HECTD2: variants seen among roughly 807,000 people sequenced by gnomAD.
The protein encoded by HECTD2 is probable E3 ubiquitin-protein ligase HECTD2.
In HECTD2, 35 loss-of-function variants were observed where a neutral mutation model predicts 103.2. The ratio of observed to expected loss-of-function variants is 0.34; its 90% CI spans 0.26 to 0.45. The LOEUF (loss-of-function observed/expected upper bound fraction) is 0.45. Ranked by LOEUF, HECTD2 falls within the 20% of genes least tolerant of loss-of-function variation. The pLI is 1.00. For missense variants in HECTD2, 596 were observed against 937.4 expected, an observed-to-expected ratio of 0.64 and a Z score of 4.76; for synonymous variants, 281 against 329.9, an observed-to-expected ratio of 0.85 and a Z score of 1.61.
chr10:91,488,044 C>T (rs1474790874), intron 11 of HECTD2: 3 of 226,262 alleles, frequency 1.3e-5, no homozygotes, highest in African/African-American at 6.9e-5. Context: ...TTACTGAGAG[C>T]TTGTTGGACC....
chr10:91,437,088 T>C lies in HECTD2; in HGVS notation c.268+11678T>C, dbSNP rs549063933. 2.0e-5 allele frequency among the ~76,000 whole-genome samples: 3 copies of C among 152,222 alleles called. No individual in the cohort carries two copies. The South Asian group carries it at 6.2e-4, about 32-fold the overall frequency. ...TGATTTCTGTTTATACATGTTCCAG[T>C]ATCTATTGAATATATAATAATAAAC... On this transcript the variant is annotated intron_variant, in intron 2 of 20. Coordinates refer to ENST00000298068, the MANE Select transcript of HECTD2 (RefSeq NM_182765.6).
chr10:91,420,080 G>A (rs1045670954), intron 1 of HECTD2, among the ~76,000 whole-genome samples: 2 of 152,056 alleles, frequency 1.3e-5, no homozygotes, highest in African/African-American at 4.8e-5. Flanking sequence ...GTCTTAGGTT[G>A]TAAGATTTCT....
At chr10:91,504,273 C>T (rs1177600016) in intron 20 of HECTD2, among the ~76,000 whole-genome samples, 4 of 152,002 alleles carry the variant, frequency 2.6e-5, no homozygotes, top group East Asian at 1.9e-4. Flanking sequence ...CAAAGCTGGA[C>T]GGAGAATGAC....
chr10:91,419,595 G>A (rs1843268362), intron 1 of HECTD2, among the ~76,000 whole-genome samples: 2 of 152,096 alleles, frequency 1.3e-5, no homozygotes, highest in Admixed American at 1.3e-4. Context: ...TATTGAATTC[G>A]AGTTTAATAA....
At chr10:91,424,830 A>T (rs1472317593) in intron 1 of HECTD2, among the ~76,000 whole-genome samples, 1 of 152,098 alleles carries the variant, frequency 6.6e-6, no homozygotes, top group Non-Finnish European at 1.5e-5. Flanking sequence ...GTAAAGTTGC[A>T]TCAAATGAGA....
intron 2 of HECTD2, among the ~76,000 whole-genome samples, chr10:91,444,542 A>G (rs1844511644): frequency 6.6e-6 from 1 of 152,222 alleles, no homozygotes; most frequent in Non-Finnish European, 1.5e-5. Flanking sequence ...TGCTCAGATT[A>G]GTGAATGAAA....
chr10:91,510,671 T>G (rs1847387210), intron 20 of HECTD2, among the ~76,000 whole-genome samples: 1 of 152,194 alleles, frequency 6.6e-6, no homozygotes, highest in African/African-American at 2.4e-5. Context: ...GTTGTGTAGC[T>G]TAGGACCTTG....
At chr10:91,431,486 G>A (rs1843866015) in intron 2 of HECTD2, among the ~76,000 whole-genome samples, 1 of 152,080 alleles carries the variant, frequency 6.6e-6, no homozygotes, top group Admixed American at 6.6e-5. Flanking sequence ...TTCCAACTTG[G>A]TTCCATTCTC....
intron 5 of HECTD2, 185 bp downstream of exon 5, chr10:91,462,369 TA>T (rs1172990431): frequency 1.8e-6 from 2 of 1,119,708 alleles, no homozygotes; most frequent in Non-Finnish European, 2.3e-6. Flanking sequence ...AATTATGAAT[TA>T]AGCAGCAAAT....
chr10:91,410,937 T>A (rs1224248433), intron 1 of HECTD2, among the ~76,000 whole-genome samples: 1 of 152,148 alleles, frequency 6.6e-6, no homozygotes, highest in Non-Finnish European at 1.5e-5. Context: ...GAGTGGGTTT[T>A]CCACGGAGGT....
At chr10:91,460,594 A>ATAG (rs758577340) in intron 3 of HECTD2, 29 bp downstream of exon 3, 2 of 1,584,154 alleles carry the variant, frequency 1.3e-6, no homozygotes, top group Non-Finnish European at 1.7e-6. Context: ...ATGTAAATGT[A>ATAG]TAGTCATCTG....
At chr10:91,469,761 T>G (rs1050644819) in intron 5 of HECTD2, among the ~76,000 whole-genome samples, 5 of 152,106 alleles carry the variant, frequency 3.3e-5, no homozygotes, top group African/African-American at 1.2e-4. Flanking sequence ...AATGTCTACT[T>G]AAAAGGCACA....
chr10:91,462,211 T>C (rs766705769), intron 5 of HECTD2, 27 bp downstream of exon 5: 4 of 1,550,954 alleles, frequency 2.6e-6, no homozygotes, highest in South Asian at 2.4e-5. Flanking sequence ...GCAAGTAATA[T>C]TATTCTGTGT....
intron 1 of HECTD2, among the ~76,000 whole-genome samples, chr10:91,423,142 G>A (rs1001202433): frequency 6.6e-6 from 1 of 152,070 alleles, no homozygotes; most frequent in African/African-American, 2.4e-5. Flanking sequence ...TTCAACACAC[G>A]TACTGTCACA....
chr10:91,503,105 T>G (rs1482809400), intron 20 of HECTD2, among the ~76,000 whole-genome samples: 1 of 152,166 alleles, frequency 6.6e-6, no homozygotes, highest in Non-Finnish European at 1.5e-5. Flanking sequence ...GCAAAGGACA[T>G]GAACAGACAC....
intron 20 of HECTD2, 110 bp downstream of exon 20, chr10:91,501,444 G>GA (rs766869355): frequency 6.7e-5 from 43 of 637,524 alleles, no homozygotes; most frequent in Non-Finnish European, 1.0e-4. Context: ...TATTTTCATA[G>GA]AAAAATCTTC....
intron 20 of HECTD2, among the ~76,000 whole-genome samples, chr10:91,509,623 G>T (rs992178882): frequency 3.3e-5 from 5 of 152,090 alleles, no homozygotes; most frequent in African/African-American, 1.2e-4. Context: ...CATGTCCTTT[G>T]CAGCAACATG....
At chr10:91,500,448 T>A (rs572294071) in intron 18 of HECTD2, 54 bp from the exon 19 acceptor site, 44 of 853,520 alleles carry the variant, frequency 5.2e-5, no homozygotes, top group Non-Finnish European at 8.8e-5. Context: ...AGTTCCAGTT[T>A]CACTTAAAAC....
intron 18 of HECTD2, among the ~76,000 whole-genome samples, 198 bp from the exon 19 acceptor site, chr10:91,500,304 A>T (rs2133349156): frequency 6.6e-6 from 1 of 152,352 alleles, no homozygotes; most frequent in East Asian, 1.9e-4. Context: ...ACTATTTACA[A>T]GATCTATAAA....
Sources: allele counts gnomAD v4.1 joint callset (sites outside exome capture counted in the v4.1 genomes callset), GRCh38; gene constraint gnomAD v4.1.1; transcripts MANE v1.5; gene names NCBI Gene and HGNC (gene_info 2026-07-23, HGNC 2026-07-21).